Variants in MYO16 observed in about 807,000 individuals in gnomAD.
MYO16 encodes the protein myosin XVI.
Under a neutral mutation model 205.3 loss-of-function variants are expected in MYO16, and 94 were observed. The observed-to-expected ratio is 0.46, with a 90% CI of 0.39 to 0.54. The LOEUF (loss-of-function observed/expected upper bound fraction) is 0.54, where lower values mean the gene tolerates loss of function less well. MYO16 is among the 20% of genes least tolerant of loss of function. MYO16 has a pLI of 0.00. For missense variants in MYO16, 2,315 were observed against 2,387.5 expected (o/e 0.97, Z 0.63); for synonymous variants, 988 against 954.0 (o/e 1.04, Z -0.66).
At chr13:109,038,113 C>T (rs1342998812) in intron 23 of MYO16, among the ~76,000 whole-genome samples, 1 of 152,172 alleles carries the variant, frequency 6.6e-6, no homozygotes, top group Non-Finnish European at 1.5e-5. Context: ...CCAACATGAT[C>T]GATCATCAAG....
At chr13:108,910,186 C>T in intron 16 of MYO16, 36 bp downstream of exon 16, 4 of 1,584,962 alleles carry the variant, frequency 2.5e-6, no homozygotes, top group Non-Finnish European at 3.4e-6. Flanking sequence ...AAAAGCTATG[C>T]CTTCAAATTG....
chr13:108,874,858 GC>G (rs1032913928), intron 12 of MYO16, among the ~76,000 whole-genome samples: 1 of 152,086 alleles, frequency 6.6e-6, no homozygotes, highest in African/African-American at 2.4e-5. Context: ...ATAGCATAGT[GC>G]GAAACCAGCA....
At chr13:108,832,041 G>C (rs1876648749) in intron 9 of MYO16, among the ~76,000 whole-genome samples, 1 of 151,964 alleles carries the variant, frequency 6.6e-6, no homozygotes, top group Non-Finnish European at 1.5e-5. Context: ...CATGCTCTTG[G>C]GGTATCTTGC....
At position 108,676,071 on chromosome 13, in the gene MYO16, G is replaced by A. The variant is rs764836465; in HGVS notation, c.292+9922G>A. Reference sequence around the variant, plus strand: ...TGAATTAAGAGATATTATCAGAGTCGTAAAGTTGCTAAATAATGACATTGT... The same window carrying A: ...TGAATTAAGAGATATTATCAGAGTCATAAAGTTGCTAAATAATGACATTGT... On this transcript the variant is annotated intron_variant, in intron 2 of 34. Coordinates refer to ENST00000457511, the MANE Select transcript of MYO16 (RefSeq NM_001198950.3). Among the ~76,000 whole-genome samples the A allele has an allele frequency of 1.8e-4, 27 of 152,262 alleles. No homozygotes were observed. The South Asian group carries it at 2.1e-3, about 12-fold the overall frequency.
At chr13:108,753,395 A>C (rs4772994) in intron 4 of MYO16, among the ~76,000 whole-genome samples, 123,404 of 135,860 alleles carry the variant, frequency 0.91, 57,022 homozygotes, top group Non-Finnish European at 0.98. Context: ...AAAAAAAAAA[A>C]CAATAAAATA....
At chr13:109,017,634 C>T (rs1160170050) in intron 22 of MYO16, among the ~76,000 whole-genome samples, 1 of 152,162 alleles carries the variant, frequency 6.6e-6, no homozygotes, top group African/African-American at 2.4e-5. Context: ...CACATAGTCC[C>T]ATATTTTTTG....
chr13:108,833,378 A>G (rs1043444815), intron 9 of MYO16, among the ~76,000 whole-genome samples: 1 of 152,152 alleles, frequency 6.6e-6, no homozygotes, highest in Non-Finnish European at 1.5e-5. Context: ...ATTTTATAGA[A>G]GCAGAAAAAA....
At chr13:108,501,961 C>T in the MYO16 span, among the ~76,000 whole-genome samples, 1 of 152,282 alleles carries the variant, frequency 6.6e-6, no homozygotes, top group Non-Finnish European at 1.5e-5. Flanking sequence ...AAGTTGTAAT[C>T]CCAGCACTTT....
At chr13:108,810,110 T>A (rs1291956324) in intron 7 of MYO16, among the ~76,000 whole-genome samples, 1 of 152,262 alleles carries the variant, frequency 6.6e-6, no homozygotes, top group East Asian at 1.9e-4. Context: ...AATGTGCAGA[T>A]GAGGCAGGTT....
chr13:108,496,351 A>G, the MYO16 span, among the ~76,000 whole-genome samples: 102,727 of 152,102 alleles, frequency 0.68, 34,919 homozygotes, highest in Non-Finnish European at 0.71. Flanking sequence ...CCCAGGCGCG[A>G]TGGGGGCTCT....
At chr13:109,154,911 G>GAAAAAAAAAAAAAAAAAAAAA (rs59465499) in intron 32 of MYO16, among the ~76,000 whole-genome samples, 1 of 62,684 alleles carries the variant, frequency 1.6e-5, no homozygotes, top group Non-Finnish European at 3.0e-5. Context: ...GGCTAATTAT[G>GAAAAAAAAAAAAAAAAAAAAA]AAAAAAAAAA....
Position 108,767,969 on chromosome 13 carries a change from A to G in MYO16, c.508-17666A>G, listed in dbSNP as rs1310447859. Among the ~76,000 whole-genome samples, 5 of 152,154 alleles carry G rather than the reference A, an allele frequency of 3.3e-5. No homozygotes were observed. In the East Asian group the frequency reaches 9.6e-4, roughly 29 times the overall value. ...TGCCAAGTAATGGGCTGGGTATTTC[A>G]TGGGCTTATACTGACCATTTACTGC... On this transcript the variant is annotated intron_variant, in intron 4 of 34. Coordinates refer to ENST00000457511, the MANE Select transcript of MYO16 (RefSeq NM_001198950.3).
At chr13:108,865,580 T>A (rs1878674252) in intron 11 of MYO16, among the ~76,000 whole-genome samples, 1 of 152,090 alleles carries the variant, frequency 6.6e-6, no homozygotes, top group Non-Finnish European at 1.5e-5. Flanking sequence ...TTTCATATTT[T>A]AATACAATTT....
chr13:109,158,602 G>A (rs904971414), intron 32 of MYO16, among the ~76,000 whole-genome samples: 5 of 152,084 alleles, frequency 3.3e-5, no homozygotes, highest in Non-Finnish European at 4.4e-5. Flanking sequence ...TTCTCCTCCC[G>A]CCTGTGAATT....
chr13:108,780,442 A>G (rs569502097), intron 4 of MYO16, among the ~76,000 whole-genome samples: 3 of 152,066 alleles, frequency 2.0e-5, no homozygotes, highest in South Asian at 4.2e-4. Context: ...AGGGAAAAAG[A>G]AAAGGGAAGA....
At chr13:109,190,594 C>T (rs560889863) in intron 34 of MYO16, among the ~76,000 whole-genome samples, 2 of 152,284 alleles carry the variant, frequency 1.3e-5, no homozygotes, top group South Asian at 2.1e-4. Flanking sequence ...TATTCCCTAA[C>T]TTTATTAGAT....
At chr13:109,109,534 A>G (rs796429702) in intron 28 of MYO16, among the ~76,000 whole-genome samples, 25 of 152,328 alleles carry the variant, frequency 1.6e-4, no homozygotes, top group African/African-American at 5.8e-4. Context: ...TGGCAGCTCA[A>G]GCAAGAGAGA....
At chr13:108,587,911 A>G in the MYO16 span, among the ~76,000 whole-genome samples, 1 of 144,994 alleles carries the variant, frequency 6.9e-6, no homozygotes, top group Non-Finnish European at 1.5e-5. Flanking sequence ...ATATATCTGA[A>G]TATAGCCATT....
intron 24 of MYO16, 98 bp downstream of exon 24, chr13:109,047,089 T>A: frequency 2.2e-6 from 2 of 910,746 alleles, no homozygotes; most frequent in East Asian, 2.5e-5. Flanking sequence ...TGCTACCAGC[T>A]AAAGCATAAT....
Sources: gnomAD v4.1 joint callset for allele counts (sites outside exome capture counted in the v4.1 genomes callset) on GRCh38, gnomAD v4.1.1 for gene constraint, MANE v1.5 for transcripts, NCBI Gene and HGNC (gene_info 2026-07-23, HGNC 2026-07-21) for gene names.